The following TCP10L variants were observed in gnomAD, a reference collection of about 807,000 sequenced individuals.
The protein encoded by TCP10L is T-complex protein 10A homolog 1.
A neutral mutation model predicts 19.2 loss-of-function variants in TCP10L; 11 were observed. That is an observed-to-expected ratio of 0.57 (90% confidence interval 0.36 to 0.95). The LOEUF is 0.95. Ranked by LOEUF, TCP10L falls within the 40% of genes least tolerant of loss-of-function variation. The pLI is 0.01. For missense variants in TCP10L, 247 were observed against 263.9 expected (o/e 0.94, Z 0.44); for synonymous variants, 96 against 97.2 (o/e 0.99, Z 0.07).
Position 32,574,311 on chromosome 21 carries a change from A to T in TCP10L, c.*2463T>A, listed in dbSNP as rs2038407241. 6.6e-6 allele frequency among the ~76,000 whole-genome samples: 1 copy of T among 152,238 alleles called. No homozygotes were observed. Among genetic ancestry groups the T allele is most frequent in the African/African-American group, 2.4e-5 (1 of 41,472 alleles). ...CTTTGACTTGGGAAACTCTTAAGCCATGAAAAATATTAATCCTGTTTGACT... is the reference window on the plus strand; with the variant it reads ...CTTTGACTTGGGAAACTCTTAAGCCTTGAAAAATATTAATCCTGTTTGACT... On this transcript the variant is annotated 3_prime_UTR_variant, in exon 5 of 5. Coordinates refer to ENST00000300258, the MANE Select transcript of TCP10L (RefSeq NM_144659.7).
At chr21:32,577,047 A>G (rs2038443816) in intron 4 of TCP10L, 124 bp from the exon 5 acceptor site, 1 of 987,052 alleles carries the variant, frequency 1.0e-6, no homozygotes, top group Non-Finnish European at 1.5e-6. Flanking sequence ...CTACAGAAGG[A>G]CACATGAGGT....
Position 32,576,669 on chromosome 21 carries a change from C to A in TCP10L, c.*105G>T. 1 of 1,220,478 alleles carries A rather than the reference C, an allele frequency of 8.2e-7. No individual in the cohort carries two copies. 75.6% of individuals were successfully genotyped at this position (1,220,478 alleles called of 1,614,324 possible). On this transcript the variant is annotated 3_prime_UTR_variant, in exon 5 of 5. Transcript: ENST00000300258. The stretch of plus-strand genomic sequence containing the variant: ...AAATTACTAGGTCTATTTTGAATAA[C>A]AAATTGAGTACTTTTATTAGACCTA...
Position 32,576,340 on chromosome 21 carries a change from C to A in TCP10L, c.*434G>T. The A allele has an allele frequency of 6.9e-7, 1 of 1,458,638 alleles. No homozygotes were observed. Among genetic ancestry groups the A allele is most frequent in the South Asian group, 1.2e-5 (1 of 81,716 alleles). 90.4% of individuals were successfully genotyped at this position (1,458,638 alleles called of 1,614,324 possible). ...ATGCATAGCCTGGGGCAATGACAGTCACAGGCCCGCCTTGTCACAAGGTCC... is the reference window on the plus strand; with the variant it reads ...ATGCATAGCCTGGGGCAATGACAGTAACAGGCCCGCCTTGTCACAAGGTCC... On this transcript the variant is annotated 3_prime_UTR_variant, in exon 5 of 5. Coordinates refer to ENST00000300258, the MANE Select transcript of TCP10L (RefSeq NM_144659.7).
chr21:32,584,242 G>A lies in TCP10L; in HGVS notation c.63C>T (p.Cys21=). The A allele has an allele frequency of 1.2e-6, 2 of 1,614,100 alleles. No homozygotes were observed. The highest frequency in any genetic ancestry group is 1.7e-6 in the Non-Finnish European group (2 of 1,179,980). The change falls in exon 2 of 5, where the codon TGC becomes TGT. Residue 21 remains cysteine, a synonymous_variant. Coordinates refer to ENST00000300258, the MANE Select transcript of TCP10L (RefSeq NM_144659.7). ...TCTCCATGACAGCCCCAGCTCCTGG[G>A]CACGGGTCCTCTGGGTGGGTGCCCT... ...PKEGTHPEDP[C]PGAGAVMEKT... is the part of the protein sequence containing the mutation.
chr21:32,582,453 A>G lies in TCP10L; in HGVS notation c.145-38T>C, dbSNP rs62214717. 0.089 allele frequency: 140,457 copies of G among 1,582,962 alleles called. 6,626 individuals carry two copies. Among genetic ancestry groups the G allele is most frequent in the Non-Finnish European group, 0.096 (112,265 of 1,164,280 alleles). On this transcript the variant is annotated intron_variant, in intron 2 of 4. Transcript: ENST00000300258. This position sits in a 1 kb window ranked among gnomAD's most constrained non-coding sequence, Gnocchi z 4.2. Reference sequence around the variant, plus strand: ...AGAGAACACCAGAAAAACCTCTCAGATGTCACAATGGGCACATTTATCTGC... The same window carrying G: ...AGAGAACACCAGAAAAACCTCTCAGGTGTCACAATGGGCACATTTATCTGC...
intron 3 of TCP10L, among the ~76,000 whole-genome samples, chr21:32,581,619 C>A (rs1300756985): frequency 6.6e-6 from 1 of 152,110 alleles, no homozygotes; most frequent in Admixed American, 6.5e-5. Flanking sequence ...AGTGGGGAAC[C>A]AAAGAAGCGA....
chr21:32,584,194 A>G lies in TCP10L; in HGVS notation c.111T>C (p.Val37=). 1 of 1,613,988 alleles carries G rather than the reference A, an allele frequency of 6.2e-7. No individual in the cohort carries two copies. Among genetic ancestry groups the G allele is most frequent in the Non-Finnish European group, 8.5e-7 (1 of 1,179,940 alleles). Residue 37 remains valine, a synonymous_variant, in exon 2 of 5, where the codon GTT becomes GTC. Coordinates refer to ENST00000300258, the MANE Select transcript of TCP10L (RefSeq NM_144659.7). ...CCCCAGTGTTGCAGTCCTCCGTGAG[A>G]ACCTCGGCTGCCACAGCTGTCTTCT... ...VMEKTAVAAE[V]LTEDCNTGEM...
At chr21:32,584,559 C>T (rs1017451322) in intron 1 of TCP10L, among the ~76,000 whole-genome samples, 2 of 152,162 alleles carry the variant, frequency 1.3e-5, no homozygotes, top group Non-Finnish European at 2.9e-5. Flanking sequence ...AGAAGATCAG[C>T]CTGACACCTA....
chr21:32,584,409 G>A (rs549704503), intron 1 of TCP10L, 104 bp from the exon 2 acceptor site: 176 of 1,441,294 alleles, frequency 1.2e-4, no homozygotes, highest in Non-Finnish European at 1.5e-4. Context: ...AGCAGGACCC[G>A]CAGCCGCTCC....
At position 32,576,260 on chromosome 21, in the gene TCP10L, A is replaced by T; in HGVS notation, c.*514T>A. On this transcript the variant is annotated 3_prime_UTR_variant, in exon 5 of 5. Coordinates refer to ENST00000300258, the MANE Select transcript of TCP10L (RefSeq NM_144659.7). Reference sequence around the variant, plus strand: ...TGCTCCTGCAGCATGGCGGCCTGGGAAGCCTGCACTGGTGATTTTCTGCCA... The same window carrying T: ...TGCTCCTGCAGCATGGCGGCCTGGGTAGCCTGCACTGGTGATTTTCTGCCA... 6.4e-7 allele frequency: 1 copy of T among 1,572,908 alleles called. No individual in the cohort carries two copies. The highest frequency in any genetic ancestry group is 8.7e-7 in the Non-Finnish European group (1 of 1,150,166).
chr21:32,584,093 G>T, intron 2 of TCP10L, 68 bp downstream of exon 2: 1 of 1,536,450 alleles, frequency 6.5e-7, no homozygotes, highest in East Asian at 2.3e-5. Context: ...TCCAATGACG[G>T]GCCTCAGGGA....
rs1035256320 is a variant in TCP10L, at chr21:32,576,596, G to A, written c.*178C>T. ...TTTGCTTTTATAGCATTAGAGACAT[G>A]TCTGAAGAACTTCAAGTTTTTATCT... On this transcript the variant is annotated 3_prime_UTR_variant, in exon 5 of 5. Transcript: ENST00000300258. 4.2e-6 allele frequency: 3 copies of A among 710,680 alleles called. 1 individual carries two copies. The South Asian group carries it at 6.5e-5, about 15-fold the overall frequency. 44.0% of individuals were successfully genotyped at this position (710,680 alleles called of 1,614,324 possible). A position where few individuals can be genotyped will look rare whatever the true frequency, so the allele number is the denominator to read the frequency against.
intron 2 of TCP10L, 67 bp downstream of exon 2, chr21:32,584,094 G>T (rs370057204): frequency 2.6e-6 from 4 of 1,539,394 alleles, no homozygotes; most frequent in Non-Finnish European, 3.5e-6. Context: ...CCAATGACGG[G>T]CCTCAGGGAC....
At chr21:32,584,348 C>T in intron 1 of TCP10L, 43 bp from the exon 2 acceptor site, 1 of 1,585,924 alleles carries the variant, frequency 6.3e-7, no homozygotes, top group Non-Finnish European at 8.6e-7. Context: ...TGAATGCAGC[C>T]CTCCTACCCC....
At position 32,576,826 on chromosome 21, in the gene TCP10L, G is replaced by A. The variant is rs76713800; in HGVS notation, c.596C>T (p.Ala199Val). The change falls in exon 5 of 5, where the codon GCA becomes GTA. Residue 199 changes from alanine to valine, a missense_variant. By Grantham distance (64) the Ala-to-Val change is moderately conservative. Transcript: ENST00000300258. ...NLSRRRQDRRATPTGRPTPCA... is the reference protein window; with the variant it reads ...NLSRRRQDRRVTPTGRPTPCA... ...GGGAGTTGGCCTTCCAGTAGGTGTTGCTCTTCTGTCTTGACGTCTCCTGGA... is the reference window on the plus strand; with the variant it reads ...GGGAGTTGGCCTTCCAGTAGGTGTTACTCTTCTGTCTTGACGTCTCCTGGA... 1,176 of 1,614,074 alleles carry A rather than the reference G, an allele frequency of 7.3e-4. 3 individuals are homozygous for A. In the African/African-American group the frequency reaches 0.012, roughly 17 times the overall value.
Position 32,578,915 on chromosome 21 carries a change from ATGTCCT to A in TCP10L, c.361-90_361-85del. 3 of 1,599,426 alleles carry A rather than the reference ATGTCCT, an allele frequency of 1.9e-6. No homozygotes were observed. The highest frequency in any genetic ancestry group is 1.3e-5 in the African/African-American group (1 of 74,352). On this transcript the variant is annotated intron_variant, in intron 3 of 4. Coordinates refer to ENST00000300258, the MANE Select transcript of TCP10L (RefSeq NM_144659.7). This position sits in a 1 kb window ranked among gnomAD's most constrained non-coding sequence, Gnocchi z 4.2. ...TTTAATACAATGAAGAATAATTGGAATGTCCTAGAAAAAAATAGGGTACAAGGTAGG... is the reference window on the plus strand; with the variant it reads ...TTTAATACAATGAAGAATAATTGGAAAGAAAAAAATAGGGTACAAGGTAGG...
At chr21:32,580,366 A>G (rs2038479103) in intron 3 of TCP10L, among the ~76,000 whole-genome samples, 1 of 151,864 alleles carries the variant, frequency 6.6e-6, no homozygotes, top group South Asian at 2.1e-4. Flanking sequence ...TCGGCCTCCC[A>G]AAGTGCTGGG....
At position 32,583,328 on chromosome 21, in the gene TCP10L, G is replaced by A. The variant is rs8129189; in HGVS notation, c.144+833C>T. Among the ~76,000 whole-genome samples, 432 of 152,026 alleles carry A rather than the reference G, an allele frequency of 2.8e-3. 3 individuals carry two copies. The highest frequency in any genetic ancestry group is 9.2e-3 in the African/African-American group (381 of 41,478). ...AAGCCGGCCGGGCGCGGTGGCTCAC[G>A]CCTGTAATCCCAGCACTTTGGGAGG... is the stretch of plus-strand genomic sequence containing the variant. On this transcript the variant is annotated intron_variant, in intron 2 of 4. Coordinates refer to ENST00000300258, the MANE Select transcript of TCP10L (RefSeq NM_144659.7).
intron 3 of TCP10L, among the ~76,000 whole-genome samples, chr21:32,580,892 C>T (rs947497492): frequency 1.3e-5 from 2 of 152,142 alleles, no homozygotes; most frequent in Non-Finnish European, 2.9e-5. Context: ...GTTCTTCGTT[C>T]GGGATAGAGC....
Sources: allele counts gnomAD v4.1 joint callset (sites outside exome capture counted in the v4.1 genomes callset), GRCh38; gene constraint gnomAD v4.1.1; non-coding constraint Gnocchi (gnomAD v3.1); transcripts MANE v1.5; gene names NCBI Gene and HGNC (gene_info 2026-07-23, HGNC 2026-07-21).